Variants in CSPP1 observed in about 807,000 individuals in gnomAD.
The protein encoded by CSPP1 is centrosome and spindle pole associated protein 1, also known as centrosome and spindle pole-associated protein 1.
A neutral mutation model predicts 164.4 loss-of-function variants in CSPP1; 126 were observed. That is an observed-to-expected ratio of 0.77 (90% CI 0.66 to 0.89). CSPP1 has a LOEUF of 0.89. Ranked by LOEUF, CSPP1 falls within the 40% of genes least tolerant of loss-of-function variation. The pLI is 0.00. For missense variants in CSPP1, 1,395 were observed against 1,449.8 expected (o/e 0.96, Z 0.61); for synonymous variants, 472 against 476.7 (o/e 0.99, Z 0.13).
chr8:67,143,795 C>T (rs2129556537), intron 17 of CSPP1, among the ~76,000 whole-genome samples: 1 of 152,172 alleles, frequency 6.6e-6, no homozygotes. Context: ...TTGCTACTGT[C>T]TGTAGTCTGT....
intron 17 of CSPP1, among the ~76,000 whole-genome samples, chr8:67,145,546 C>CA (rs1824362514): frequency 6.7e-6 from 1 of 150,304 alleles, no homozygotes; most frequent in Admixed American, 6.6e-5. Context: ...TGTTTTGAGA[C>CA]AGAGTCTCTC....
At chr8:67,095,247 A>T in intron 6 of CSPP1, 46 bp from the exon 7 acceptor site, 1 of 1,234,594 alleles carries the variant, frequency 8.1e-7, no homozygotes, top group Non-Finnish European at 1.1e-6. Flanking sequence ...TATAAGAGAT[A>T]GTTTCTTGTC....
rs570890037 is a variant in CSPP1, at chr8:67,137,163, G to A, written c.1828-293G>A. Among the ~76,000 whole-genome samples, 30 of 151,994 alleles carry A rather than the reference G, an allele frequency of 2.0e-4. No individual in the cohort carries two copies. The South Asian group carries it at 5.6e-3, about 28-fold the overall frequency. On this transcript the variant is annotated intron_variant, in intron 16 of 30. Transcript: ENST00000678616. ...CACCCAGCTAATTTTTGTATTTTTA[G>A]TAGAGATGGGGTTTTGCATGTTGGC...
intron 3 of CSPP1, among the ~76,000 whole-genome samples, chr8:67,084,642 G>C (rs558439399): frequency 6.6e-6 from 1 of 152,008 alleles, no homozygotes; most frequent in African/African-American, 2.4e-5. Flanking sequence ...GGGAGGCTGA[G>C]ATGGGAGGAT....
At chr8:67,119,839 G>A (rs1413437826) in intron 15 of CSPP1, among the ~76,000 whole-genome samples, 2 of 152,018 alleles carry the variant, frequency 1.3e-5, no homozygotes, top group Non-Finnish European at 2.9e-5. Flanking sequence ...ATTCTGTCTT[G>A]ATATTGCCTT....
intron 18 of CSPP1, among the ~76,000 whole-genome samples, chr8:67,151,476 G>A (rs1468764027): frequency 6.6e-6 from 1 of 152,064 alleles, no homozygotes; most frequent in African/African-American, 2.4e-5. Flanking sequence ...ACCTGGTATT[G>A]TTTGTAGTTC....
At chr8:67,105,022 G>GTT (rs1815176474) in intron 8 of CSPP1, among the ~76,000 whole-genome samples, 1 of 103,636 alleles carries the variant, frequency 9.6e-6, no homozygotes. Context: ...TATGAAAAAG[G>GTT]ATTTTTTTTT....
At chr8:67,100,275 C>G (rs1813780681) in intron 7 of CSPP1, among the ~76,000 whole-genome samples, 1 of 152,100 alleles carries the variant, frequency 6.6e-6, no homozygotes, top group Non-Finnish European at 1.5e-5. Flanking sequence ...AAAATCATTT[C>G]TTAAATTAAT....
At chr8:67,149,540 G>A (rs539720122) in intron 17 of CSPP1, among the ~76,000 whole-genome samples, 310 of 152,132 alleles carry the variant, frequency 2.0e-3, no homozygotes, top group African/African-American at 7.0e-3. Context: ...TTTATGTTTT[G>A]TTAAAGATTT....
At position 67,158,576 on chromosome 8, in the gene CSPP1, A is replaced by G; in HGVS notation, c.2371A>G (p.Lys791Glu). Residue 791 changes from lysine (K) to glutamate (E), a missense_variant, in exon 20 of 31, where the codon AAA becomes GAA. Coordinates refer to ENST00000678616, the MANE Select transcript of CSPP1 (RefSeq NM_001382391.1). ...GGAGTATGAAGAGGAACAGGAAAAGAAAAGAGAGAAAGAGGAGGAGGTACA... is the reference window on the plus strand; with the variant it reads ...GGAGTATGAAGAGGAACAGGAAAAGGAAAGAGAGAAAGAGGAGGAGGTACA... ...QQEYEEEQEK[K>E]REKEEEQRLK... 6.2e-7 allele frequency: 1 copy of G among 1,601,960 alleles called. No individual in the cohort carries two copies. The highest frequency in any genetic ancestry group is 8.5e-7 in the Non-Finnish European group (1 of 1,174,100).
Position 67,096,474 on chromosome 8 carries a change from A to G in CSPP1, c.923+742A>G, listed in dbSNP as rs755959879. Among the ~76,000 whole-genome samples, 58 of 152,064 alleles carry G rather than the reference A, an allele frequency of 3.8e-4. 1 individual carries two copies. The highest frequency in any genetic ancestry group is 4.7e-4 in the Non-Finnish European group (32 of 68,008). ...CAGCTACTCAGAAGGCTGGGGCAGG[A>G]GAATCACTTGAACCCGGGAGGCAGA... On this transcript the variant is annotated intron_variant, in intron 7 of 30. Transcript: ENST00000678616.
chr8:67,068,551 A>G (rs1054515767), intron 1 of CSPP1, among the ~76,000 whole-genome samples: 1 of 152,218 alleles, frequency 6.6e-6, no homozygotes, highest in Non-Finnish European at 1.5e-5. Context: ...TTCTTACTCT[A>G]TATTGTACCT....
chr8:67,131,946 T>G lies in CSPP1; in HGVS notation c.1698-5T>G, dbSNP rs758497156. 6.3e-7 allele frequency: 1 copy of G among 1,591,726 alleles called. No individual in the cohort carries two copies. Among genetic ancestry groups the G allele is most frequent in the Non-Finnish European group, 8.6e-7 (1 of 1,169,388 alleles). ...TTTAAATTATTTATTGTGTATTTGA[T>G]GTAGGAATACGGTTGGACAGAATGA... is the stretch of plus-strand genomic sequence containing the variant. On this transcript the variant is annotated splice_region_variant and splice_polypyrimidine_tract_variant and intron_variant, in intron 15 of 30. Transcript: ENST00000678616.
rs1047907870 is a variant in CSPP1, at chr8:67,195,897, G to A, written c.*304G>A. ...ATTCTGCTTGTCATTAAGATAAGGT[G>A]AATAAGTGTCTTAAACGTCCTGTAA... On this transcript the variant is annotated 3_prime_UTR_variant, in exon 31 of 31. Coordinates refer to ENST00000678616, the MANE Select transcript of CSPP1 (RefSeq NM_001382391.1). 15 of 260,042 alleles carry A rather than the reference G, an allele frequency of 5.8e-5. No individual in the cohort carries two copies. The highest frequency in any genetic ancestry group is 1.0e-4 in the Non-Finnish European group (14 of 134,742). 16.1% of individuals were successfully genotyped at this position (260,042 alleles called of 1,614,324 possible).
intron 27 of CSPP1, among the ~76,000 whole-genome samples, chr8:67,179,409 C>A (rs540364986): frequency 1.3e-5 from 2 of 152,254 alleles, no homozygotes; most frequent in East Asian, 3.9e-4. Flanking sequence ...CTTTGTATCC[C>A]CAGTTCCTAG....
intron 3 of CSPP1, among the ~76,000 whole-genome samples, chr8:67,076,918 C>T (rs1808043749): frequency 6.6e-6 from 1 of 152,008 alleles, no homozygotes; most frequent in African/African-American, 2.4e-5. Context: ...GGTGAACTTG[C>T]TTATTTAAAA....
intron 9 of CSPP1, among the ~76,000 whole-genome samples, chr8:67,109,164 A>C (rs928919035): frequency 6.6e-6 from 1 of 152,176 alleles, no homozygotes; most frequent in Admixed American, 6.5e-5. Flanking sequence ...CGGAGGCTTG[A>C]GTGGGGCAGA....
intron 24 of CSPP1, among the ~76,000 whole-genome samples, chr8:67,167,539 A>G (rs1446159924): frequency 2.7e-5 from 4 of 150,656 alleles, no homozygotes; most frequent in Non-Finnish European, 5.9e-5. Flanking sequence ...CACTTCTCAG[A>G]CGGGGCGGCT....
At chr8:67,109,986 T>C (rs1367145302) in intron 9 of CSPP1, among the ~76,000 whole-genome samples, 1 of 152,130 alleles carries the variant, frequency 6.6e-6, no homozygotes, top group Non-Finnish European at 1.5e-5. Context: ...TCGGCTTGTC[T>C]TGTTTGTATA....
Sources: allele counts gnomAD v4.1 joint callset (sites outside exome capture counted in the v4.1 genomes callset), GRCh38; gene constraint gnomAD v4.1.1; transcripts MANE v1.5; gene names NCBI Gene and HGNC (gene_info 2026-07-23, HGNC 2026-07-21).